Variants in STPG2 observed in about 807,000 individuals in gnomAD.
The protein encoded by STPG2 is sperm-tail PG-rich repeat-containing protein 2.
Under a neutral mutation model 54.2 loss-of-function variants are expected in STPG2, and 56 were observed. That is an observed-to-expected ratio of 1.03 (90% CI 0.83 to 1.29). STPG2 has a LOEUF of 1.29. STPG2 is among the 50% of genes most tolerant of loss of function. The pLI, the probability that STPG2 is intolerant of heterozygous loss-of-function variation, is 0.00. For synonymous variants in STPG2, 200 were observed against 181.8 expected, an observed-to-expected ratio of 1.10 and a Z score of -0.81; for missense variants, 596 against 544.9, an observed-to-expected ratio of 1.09 and a Z score of -0.93.
intron 5 of STPG2, among the ~76,000 whole-genome samples, chr4:98,095,153 G>A (rs1457383547): frequency 1.3e-5 from 2 of 152,058 alleles, no homozygotes; most frequent in Admixed American, 1.3e-4. Flanking sequence ...GAAGCCTCAT[G>A]GTAGCCTCAA....
chr4:97,999,413 C>T (rs1396492340), intron 5 of STPG2, among the ~76,000 whole-genome samples: 2 of 152,032 alleles, frequency 1.3e-5, no homozygotes, highest in Non-Finnish European at 2.9e-5. Context: ...AAAGAGAAAC[C>T]AGGGCAAGGC....
intron 8 of STPG2, among the ~76,000 whole-genome samples, chr4:97,938,327 C>A (rs1211007982): frequency 6.6e-6 from 1 of 152,232 alleles, no homozygotes; most frequent in Non-Finnish European, 1.5e-5. Flanking sequence ...TGCCAGCAGC[C>A]ACAGTGATAG....
chr4:97,766,211 T>C (rs1303985918), intron 9 of STPG2, among the ~76,000 whole-genome samples: 4 of 152,232 alleles, frequency 2.6e-5, no homozygotes, highest in East Asian at 3.9e-4. Context: ...CCAACTGTCC[T>C]TTATGTCTTG....
At chr4:97,463,902 A>G (rs1729728488) in intron 4 of STPG2, among the ~76,000 whole-genome samples, 2 of 152,308 alleles carry the variant, frequency 1.3e-5, no homozygotes, top group Non-Finnish European at 1.5e-5. Flanking sequence ...TCTTGATACC[A>G]TATTACATTT....
intron 7 of STPG2, among the ~76,000 whole-genome samples, chr4:97,971,848 C>T (rs1210360015): frequency 6.8e-6 from 1 of 146,474 alleles, no homozygotes; most frequent in Non-Finnish European, 1.5e-5. Flanking sequence ...AAAATAGAAT[C>T]CCGTATGTCA....
At chr4:97,619,527 T>G (rs1337772628) in intron 10 of STPG2, among the ~76,000 whole-genome samples, 1 of 151,046 alleles carries the variant, frequency 6.6e-6, no homozygotes, top group Non-Finnish European at 1.5e-5. Context: ...TTCCAGTGTT[T>G]TTTTTTTTTT....
intron 5 of STPG2, among the ~76,000 whole-genome samples, chr4:98,072,443 A>G (rs1738032322): frequency 6.6e-6 from 1 of 152,094 alleles, no homozygotes; most frequent in Non-Finnish European, 1.5e-5. Flanking sequence ...ATAACAGCTA[A>G]TGGATGTTGG....
chr4:97,803,218 G>C (rs1302202840), intron 9 of STPG2, among the ~76,000 whole-genome samples: 1 of 152,118 alleles, frequency 6.6e-6, no homozygotes, highest in Non-Finnish European at 1.5e-5. Flanking sequence ...GGGAAGAGGG[G>C]TTCTTTCAGT....
At chr4:97,820,562 A>G (rs938677959) in intron 9 of STPG2, among the ~76,000 whole-genome samples, 18 of 152,202 alleles carry the variant, frequency 1.2e-4, no homozygotes, top group African/African-American at 3.9e-4. Flanking sequence ...AAATACACAA[A>G]TCAAAAGAAA....
chr4:97,544,788 T>C (rs1731798691), intron 4 of STPG2, among the ~76,000 whole-genome samples: 1 of 152,092 alleles, frequency 6.6e-6, no homozygotes, highest in African/African-American at 2.4e-5. Flanking sequence ...AGATATTACG[T>C]TCTTTCAGGC....
At chr4:98,047,642 A>C (rs941854350) in intron 5 of STPG2, among the ~76,000 whole-genome samples, 2 of 152,162 alleles carry the variant, frequency 1.3e-5, no homozygotes, top group Non-Finnish European at 2.9e-5. Context: ...TCCCTCATGT[A>C]GGAGCTATAA....
At chr4:98,024,484 A>G (rs1165892713) in intron 5 of STPG2, among the ~76,000 whole-genome samples, 1 of 152,170 alleles carries the variant, frequency 6.6e-6, no homozygotes, top group Non-Finnish European at 1.5e-5. Flanking sequence ...AAATCAACGA[A>G]ACACCATTTC....
intron 10 of STPG2, among the ~76,000 whole-genome samples, chr4:97,575,742 A>G (rs1376654839): frequency 6.6e-6 from 1 of 152,160 alleles, no homozygotes; most frequent in Admixed American, 6.6e-5. Context: ...CTTATTTGCC[A>G]TAGTACTAGA....
chr4:97,496,324 T>G (rs1040644887), intron 4 of STPG2, among the ~76,000 whole-genome samples: 8 of 151,742 alleles, frequency 5.3e-5, no homozygotes, highest in African/African-American at 1.9e-4. Flanking sequence ...CAGAATGTCC[T>G]TTGTATCCCT....
chr4:97,665,653 C>T (rs545926982), intron 10 of STPG2, among the ~76,000 whole-genome samples: 6 of 152,286 alleles, frequency 3.9e-5, no homozygotes, highest in African/African-American at 1.4e-4. Flanking sequence ...GGCTAGACCA[C>T]CTGGGACCCA....
chr4:98,049,831 ATTT>A (rs1440602898), intron 5 of STPG2, among the ~76,000 whole-genome samples: 2 of 152,110 alleles, frequency 1.3e-5, no homozygotes, highest in South Asian at 4.1e-4. Context: ...GTCCCTCCTG[ATTT>A]TTTTAGTACA....
At chr4:98,129,104 T>A (rs138453400) in intron 2 of STPG2, among the ~76,000 whole-genome samples, 302 of 152,300 alleles carry the variant, frequency 2.0e-3, no homozygotes, top group African/African-American at 7.1e-3. Flanking sequence ...ACCAAGAGAA[T>A]GTATTTCTAT....
chr4:97,881,015 C>A (rs980763047), intron 8 of STPG2, among the ~76,000 whole-genome samples: 3 of 150,650 alleles, frequency 2.0e-5, no homozygotes, highest in Non-Finnish European at 3.0e-5. Flanking sequence ...ATAAAAAGAG[C>A]AAAACTGAGA....
intron 10 of STPG2, among the ~76,000 whole-genome samples, chr4:97,659,261 T>C (rs1225175701): frequency 1.3e-5 from 2 of 152,192 alleles, no homozygotes; most frequent in Admixed American, 6.5e-5. Context: ...CATTTATATA[T>C]GTAAAAAAAC....
Sources: allele counts gnomAD v4.1 joint callset (sites outside exome capture counted in the v4.1 genomes callset), GRCh38; gene constraint gnomAD v4.1.1; transcripts MANE v1.5; gene names NCBI Gene and HGNC (gene_info 2026-07-23, HGNC 2026-07-21).